ADNP2: variants seen among roughly 807,000 people sequenced by gnomAD.
ADNP2 encodes the protein activity-dependent neuroprotector homeobox protein 2.
A neutral mutation model predicts 16.4 loss-of-function variants in ADNP2; 8 were observed. The ratio of observed to expected loss-of-function variants is 0.49; its 90% CI spans 0.29 to 0.88. The LOEUF is 0.88. ADNP2 is among the 40% of genes least tolerant of loss of function. The probability of loss-of-function intolerance (pLI) is 0.09; values close to 1 mark genes in which losing one functional copy is unlikely to be tolerated. For synonymous variants in ADNP2, 637 were observed against 545.8 expected (o/e 1.17, Z -2.33); for missense variants, 1,397 against 1,395.1 (o/e 1.00, Z -0.02).
Position 80,133,151 on chromosome 18 carries a change from T to C in ADNP2, c.157T>C (p.Trp53Arg). ...PGEKYFHNTSWGDVSLWEPSG... is the reference protein window; with the variant it reads ...PGEKYFHNTSRGDVSLWEPSG... Reference sequence around the variant, plus strand: ...AGAGAAATACTTTCATAACACATCATGGGGTGATGTTTCTCTCTGGGAACC... The same window carrying C: ...AGAGAAATACTTTCATAACACATCACGGGGTGATGTTTCTCTCTGGGAACC... The change falls in exon 3 of 4, where the codon TGG (tryptophan) becomes CGG (arginine). Residue 53 changes from tryptophan (W) to arginine (R), a missense_variant. Physicochemically the swap from Trp to Arg is moderately radical, Grantham distance 101. Coordinates refer to ENST00000262198, the MANE Select transcript of ADNP2 (RefSeq NM_014913.4). 1.2e-6 allele frequency: 2 copies of C among 1,613,776 alleles called. No homozygotes were observed. The highest frequency in any genetic ancestry group is 1.7e-6 in the Non-Finnish European group (2 of 1,179,794).
chr18:80,127,410 T>C (rs148104970), intron 2 of ADNP2, among the ~76,000 whole-genome samples: 1 of 149,944 alleles, frequency 6.7e-6, no homozygotes, highest in African/African-American at 2.5e-5. Context: ...ATCTTCAGAT[T>C]TACCAGTCTT....
chr18:80,127,295 A>G (rs2052465427), intron 2 of ADNP2, among the ~76,000 whole-genome samples: 5 of 145,436 alleles, frequency 3.4e-5, no homozygotes, highest in Admixed American at 3.4e-4. Flanking sequence ...AGGCTCCTTG[A>G]TACTGTCCCA....
chr18:80,120,537 A>G (rs1041686805), intron 2 of ADNP2, among the ~76,000 whole-genome samples: 4 of 151,866 alleles, frequency 2.6e-5, no homozygotes, highest in Admixed American at 1.3e-4. Context: ...AGGTTTCACC[A>G]TGTTGCTCAG....
intron 1 of ADNP2, among the ~76,000 whole-genome samples, chr18:80,110,574 G>A (rs781183231): frequency 4.6e-5 from 7 of 152,162 alleles, no homozygotes; most frequent in Non-Finnish European, 8.8e-5. Context: ...GGGGTGAGGA[G>A]CATTAGTGGG....
chr18:80,138,581 A>G lies in ADNP2; in HGVS notation c.3168A>G (p.Gln1056=), dbSNP rs370070155. The change falls in exon 4 of 4, where the codon CAA becomes CAG. Residue 1056 remains glutamine (Q), a synonymous_variant. Coordinates refer to ENST00000262198, the MANE Select transcript of ADNP2 (RefSeq NM_014913.4). ...YEGRSYEEKK[Q]FLKDYFHKKP... ...GCCGTTCTTATGAAGAAAAGAAGCA[A>G]TTTCTTAAAGATTATTTCCATAAGA... The G allele has an allele frequency of 1.2e-5, 20 of 1,609,284 alleles. No individual in the cohort carries two copies. The highest frequency in any genetic ancestry group is 6.7e-5 in the South Asian group (6 of 89,572).
intron 2 of ADNP2, among the ~76,000 whole-genome samples, chr18:80,129,715 T>C (rs1003947179): frequency 6.6e-6 from 1 of 152,244 alleles, no homozygotes; most frequent in African/African-American, 2.4e-5. Flanking sequence ...CCCAGTCATA[T>C]TTTGTTGCTT....
Position 80,137,637 on chromosome 18 carries a change from ATG to A in ADNP2, c.2225_2226del (p.Met742LysfsTer11). ...LAACAPFLKW[M>X]REKTVRCLSC... ...AGCGTGTGCACCATTTCTAAAGTGG[ATG>A]AGAGAGAAAACGGTGCGATGTCTGT... On this transcript the variant is annotated frameshift_variant, in exon 4 of 4. Transcript: ENST00000262198. LOFTEE classifies it low-confidence loss of function (END_TRUNC). This position sits in a 1 kb window ranked among gnomAD's most constrained non-coding sequence, Gnocchi z 4.2. The A allele has an allele frequency of 6.2e-7, 1 of 1,614,220 alleles. No individual in the cohort carries two copies. The highest frequency in any genetic ancestry group is 8.5e-7 in the Non-Finnish European group (1 of 1,180,046).
chr18:80,112,766 A>G (rs2052365856), intron 1 of ADNP2, among the ~76,000 whole-genome samples: 1 of 152,168 alleles, frequency 6.6e-6, no homozygotes, highest in Non-Finnish European at 1.5e-5. Context: ...CTGCTTTTAA[A>G]AGTCCACCAG....
chr18:80,117,341 A>G (rs183338953), intron 1 of ADNP2, among the ~76,000 whole-genome samples, 189 bp from the exon 2 acceptor site: 2 of 152,154 alleles, frequency 1.3e-5, no homozygotes, highest in African/African-American at 2.4e-5. Flanking sequence ...TCCACTTTTG[A>G]GTTAATTTTT....
At position 80,136,753 on chromosome 18, in the gene ADNP2, G is replaced by A. The variant is rs749331812; in HGVS notation, c.1340G>A (p.Gly447Glu). The change falls in exon 4 of 4, where the codon GGA (glycine) becomes GAA (glutamate). Residue 447 changes from glycine (G) to glutamate (E), a missense_variant. Physicochemically the swap from Gly to Glu is moderately conservative, Grantham distance 98. This residue lies in a region of ADNP2 where 777 missense variants were observed against 719.4 expected (regional missense o/e 1.08). Transcript: ENST00000262198. The part of the protein sequence containing the change: ...VLSVSRAVPS[G>E]VLPAGQMTPA... ...TCTGTGAGTCGGGCGGTCCCGTCTG[G>A]AGTCCTTCCTGCAGGCCAGATGACT... 2.5e-6 allele frequency: 4 copies of A among 1,610,956 alleles called. No individual in the cohort carries two copies. The highest frequency in any genetic ancestry group is 4.5e-5 in the East Asian group (2 of 44,840).
In ADNP2 at chr18:80,136,684, C is replaced by T. The variant is rs1171693807; in HGVS notation, c.1271C>T (p.Ser424Phe). ...CCTGGTGTTCTTCCTGTGAGCCCCT[C>T]TGTCACCCCTGGGGTCCTGCAGGCT... ...VGPGVLPVSP[S>F]VTPGVLQAVS... is the part of the protein sequence containing the mutation. Residue 424 changes from serine (S) to phenylalanine (F), a missense_variant, in exon 4 of 4, where the codon TCT becomes TTT. Transcript: ENST00000262198. 11 of 1,613,164 alleles carry T rather than the reference C, an allele frequency of 6.8e-6. No homozygotes were observed. The highest frequency in any genetic ancestry group is 9.3e-6 in the Non-Finnish European group (11 of 1,179,484).
At position 80,136,402 on chromosome 18, in the gene ADNP2, A is replaced by T. The variant is rs780529230; in HGVS notation, c.989A>T (p.His330Leu). 4.3e-6 allele frequency: 7 copies of T among 1,614,114 alleles called. No homozygotes were observed. Among genetic ancestry groups the T allele is most frequent in the South Asian group, 1.1e-5 (1 of 91,084 alleles). Residue 330 changes from histidine to leucine, a missense_variant, in exon 4 of 4, where the codon CAC (histidine) becomes CTC (leucine). By Grantham distance (99) the His-to-Leu change is moderately conservative. Around this residue, in one of 3 missense-constraint regions of ADNP2, gnomAD observed 777 missense variants for 719.4 expected, o/e 1.08. Coordinates refer to ENST00000262198, the MANE Select transcript of ADNP2 (RefSeq NM_014913.4). ...TCCCCCCCTGCTGCTGGCCAATCCCACATGACTCTGGTCTCCAGCCCTCTG... is the reference window on the plus strand; with the variant it reads ...TCCCCCCCTGCTGCTGGCCAATCCCTCATGACTCTGGTCTCCAGCCCTCTG... ...THSPPAAGQS[H>L]MTLVSSPLPV... is the part of the protein sequence containing the mutation.
Position 80,137,787 on chromosome 18 carries a change from A to G in ADNP2, c.2374A>G (p.Arg792Gly). The G allele has an allele frequency of 6.2e-7, 1 of 1,614,238 alleles. No individual in the cohort carries two copies. Among genetic ancestry groups the G allele is most frequent in the African/African-American group, 1.3e-5 (1 of 75,066 alleles). Residue 792 changes from arginine (R) to glycine (G), a missense_variant, in exon 4 of 4, where the codon AGG (arginine) becomes GGG (glycine). Arg to Gly is a moderately radical substitution (Grantham distance 125, BLOSUM62 -2). Transcript: ENST00000262198. The surrounding 1 kb of genome is among the most constrained non-coding windows in gnomAD (Gnocchi z 4.2). ...IKGLSEHSRNRHLGKKKLPMD... is the reference protein window; with the variant it reads ...IKGLSEHSRNGHLGKKKLPMD... ...AGGTCTTTCAGAGCACAGCAGGAAT[A>G]GGCACCTGGGGAAGAAGAAGTTGCC...
chr18:80,134,866 A>G (rs2052521958), intron 3 of ADNP2, among the ~76,000 whole-genome samples: 1 of 152,164 alleles, frequency 6.6e-6, no homozygotes, highest in African/African-American at 2.4e-5. Context: ...GGGTACCTGC[A>G]TGGGCCAAAC....
intron 3 of ADNP2, among the ~76,000 whole-genome samples, chr18:80,135,291 G>C (rs1197306648): frequency 6.6e-6 from 1 of 152,184 alleles, no homozygotes; most frequent in Admixed American, 6.6e-5. Flanking sequence ...GTGACATGTG[G>C]AAAGTATATG....
chr18:80,126,964 C>T (rs553543816), intron 2 of ADNP2, among the ~76,000 whole-genome samples: 5 of 152,276 alleles, frequency 3.3e-5, no homozygotes, highest in Admixed American at 6.5e-5. Context: ...CATCTTGTCA[C>T]GTGAGGCGCC....
chr18:80,115,260 A>G (rs1251512888), intron 1 of ADNP2, among the ~76,000 whole-genome samples: 2 of 152,174 alleles, frequency 1.3e-5, no homozygotes, highest in Non-Finnish European at 2.9e-5. Flanking sequence ...TTCTGTTGAC[A>G]TGCCTCATTG....
At chr18:80,135,348 T>G (rs953468529) in intron 3 of ADNP2, among the ~76,000 whole-genome samples, 11 of 152,276 alleles carry the variant, frequency 7.2e-5, no homozygotes, top group Non-Finnish European at 1.6e-4. Flanking sequence ...GAACATAAAT[T>G]ACAAATTATT....
chr18:80,116,062 G>A (rs979799078), intron 1 of ADNP2, among the ~76,000 whole-genome samples: 1 of 152,130 alleles, frequency 6.6e-6, no homozygotes, highest in Non-Finnish European at 1.5e-5. Flanking sequence ...ACTGCACTCG[G>A]CCCACTGTTG....
Sources: allele counts gnomAD v4.1 joint callset (sites outside exome capture counted in the v4.1 genomes callset), GRCh38; gene constraint gnomAD v4.1.1; regional missense constraint gnomAD v4.1.1; non-coding constraint Gnocchi (gnomAD v3.1); transcripts MANE v1.5; gene names NCBI Gene and HGNC (gene_info 2026-07-23, HGNC 2026-07-21).